DNM3: variants seen among roughly 807,000 people sequenced by gnomAD.
DNM3 encodes dynamin 3.
A neutral mutation model predicts 101.6 loss-of-function variants in DNM3; 47 were observed. The ratio of observed to expected loss-of-function variants is 0.46; its 90% CI spans 0.37 to 0.59. The LOEUF is 0.59. Ranked by LOEUF, DNM3 falls within the 20% of genes least tolerant of loss-of-function variation. DNM3 has a pLI of 0.00. For missense variants in DNM3, 849 were observed against 1,085.7 expected (o/e 0.78, Z 3.06); for synonymous variants, 385 against 387.9 (o/e 0.99, Z 0.09).
intron 15 of DNM3, among the ~76,000 whole-genome samples, chr1:172,302,262 T>A (rs999626323): frequency 1.3e-5 from 2 of 152,224 alleles, no homozygotes; most frequent in African/African-American, 4.8e-5. Context: ...GGAGCCTTGC[T>A]CACTGCTAGT....
rs370730138 is a variant in DNM3 at position 171,924,086 on chromosome 1, T to A, written c.235+2265T>A. On this transcript the variant is annotated intron_variant, in intron 2 of 20. Coordinates refer to ENST00000627582, the MANE Select transcript of DNM3 (RefSeq NM_015569.5). ...TTTTCTTTATCCAGTCAACTGTTGG[T>A]GGGCTTAGGTTGATTCCATGATTTT... is the stretch of plus-strand genomic sequence containing the variant. Among the ~76,000 whole-genome samples the A allele has an allele frequency of 7.2e-5, 11 of 152,174 alleles. No individual in the cohort carries two copies. The East Asian group carries it at 7.7e-4, about 11-fold the overall frequency.
At chr1:172,037,939 TC>T (rs2049089757) in intron 6 of DNM3, among the ~76,000 whole-genome samples, 1 of 152,230 alleles carries the variant, frequency 6.6e-6, no homozygotes, top group Non-Finnish European at 1.5e-5. Context: ...CTAGCTTCCT[TC>T]ATTTCTATCA....
intron 13 of DNM3, among the ~76,000 whole-genome samples, chr1:172,112,625 C>G (rs1048527349): frequency 1.3e-5 from 2 of 151,988 alleles, no homozygotes; most frequent in African/African-American, 4.8e-5. Context: ...TGCTTTTTTT[C>G]CAGTGATAAA....
intron 2 of DNM3, among the ~76,000 whole-genome samples, chr1:171,985,006 T>G (rs1324359907): frequency 6.6e-6 from 1 of 152,224 alleles, no homozygotes; most frequent in East Asian, 1.9e-4. Context: ...GAAAATTGCA[T>G]TGATTTTACA....
At chr1:171,924,125 G>A (rs1347321759) in intron 2 of DNM3, among the ~76,000 whole-genome samples, 4 of 152,118 alleles carry the variant, frequency 2.6e-5, no homozygotes, top group African/African-American at 7.2e-5. Context: ...GTTGTGAATA[G>A]TGCTGCAGTA....
chr1:172,010,198 G>A (rs894554936), intron 4 of DNM3, among the ~76,000 whole-genome samples: 2 of 151,948 alleles, frequency 1.3e-5, no homozygotes, highest in Non-Finnish European at 2.9e-5. Context: ...CACCCGGAAA[G>A]CATTGACACT....
intron 14 of DNM3, among the ~76,000 whole-genome samples, chr1:172,134,081 A>C (rs1290085818): frequency 1.3e-5 from 2 of 152,300 alleles, no homozygotes; most frequent in African/African-American, 4.8e-5. Context: ...CTAGCATGGA[A>C]GAAGGGAGAC....
At chr1:172,281,899 A>G (rs1183824733) in intron 15 of DNM3, among the ~76,000 whole-genome samples, 2 of 152,214 alleles carry the variant, frequency 1.3e-5, no homozygotes, top group Non-Finnish European at 2.9e-5. Context: ...GTACCCCATA[A>G]ATATGTATAA....
intron 17 of DNM3, among the ~76,000 whole-genome samples, chr1:172,334,739 G>T (rs1010956004): frequency 1.3e-5 from 2 of 149,302 alleles, no homozygotes; most frequent in African/African-American, 5.2e-5. Context: ...TTTGCCTTAG[G>T]AAGTATGATA....
intron 4 of DNM3, among the ~76,000 whole-genome samples, chr1:171,998,905 C>G (rs1458264654): frequency 6.6e-6 from 1 of 151,928 alleles, no homozygotes; most frequent in Non-Finnish European, 1.5e-5. Context: ...TGAGGAACAG[C>G]AAGGAGGATG....
At chr1:171,987,357 A>G (rs904635151) in intron 2 of DNM3, 2 of 980,768 alleles carry the variant, frequency 2.0e-6, no homozygotes, top group Non-Finnish European at 2.4e-6. Context: ...TGTTTGCTTT[A>G]TCATTTGGAT....
chr1:172,178,108 T>C (rs1242850091), intron 14 of DNM3, among the ~76,000 whole-genome samples: 2 of 151,878 alleles, frequency 1.3e-5, no homozygotes, highest in Non-Finnish European at 2.9e-5. Context: ...CTGTAGGCAA[T>C]TGTAACACTG....
intron 13 of DNM3, among the ~76,000 whole-genome samples, chr1:172,118,498 T>G (rs1212447936): frequency 6.6e-6 from 1 of 152,222 alleles, no homozygotes; most frequent in Non-Finnish European, 1.5e-5. Flanking sequence ...CTTTTAAAAC[T>G]GATTCTCTGT....
chr1:172,249,757 CTTAT>C (rs2062096206), intron 14 of DNM3, among the ~76,000 whole-genome samples: 1 of 146,278 alleles, frequency 6.8e-6, no homozygotes, highest in African/African-American at 2.5e-5. Flanking sequence ...AATTTCATTT[CTTAT>C]TTATTACAAA....
chr1:172,146,495 A>G (rs2057906439), intron 14 of DNM3, among the ~76,000 whole-genome samples: 2 of 152,114 alleles, frequency 1.3e-5, no homozygotes, highest in South Asian at 4.1e-4. Context: ...TTTTGCTTCC[A>G]TATTTGTGTC....
chr1:172,024,499 A>G (rs2048059779), intron 4 of DNM3, among the ~76,000 whole-genome samples: 1 of 152,214 alleles, frequency 6.6e-6, no homozygotes, highest in Admixed American at 6.5e-5. Flanking sequence ...AAAGAGTAAT[A>G]ATAGTCTCAG....
At chr1:171,907,328 C>T (rs1184271012) in intron 1 of DNM3, among the ~76,000 whole-genome samples, 1 of 152,036 alleles carries the variant, frequency 6.6e-6, no homozygotes, top group Non-Finnish European at 1.5e-5. Context: ...CCCGTCTCTA[C>T]TAAAAATACA....
At chr1:171,950,124 A>C (rs2042422482) in intron 2 of DNM3, among the ~76,000 whole-genome samples, 1 of 151,796 alleles carries the variant, frequency 6.6e-6, no homozygotes, top group Non-Finnish European at 1.5e-5. Flanking sequence ...ATACAATGGA[A>C]TACAACTTAG....
intron 13 of DNM3, among the ~76,000 whole-genome samples, chr1:172,095,132 T>C (rs1238550776): frequency 3.9e-5 from 6 of 152,222 alleles, no homozygotes; most frequent in African/African-American, 1.4e-4. Context: ...ATAGATTCCT[T>C]ATCCAAAACT....
Sources: allele counts gnomAD v4.1 joint callset (sites outside exome capture counted in the v4.1 genomes callset), GRCh38; gene constraint gnomAD v4.1.1; transcripts MANE v1.5; gene names NCBI Gene and HGNC (gene_info 2026-07-23, HGNC 2026-07-21).